The following CPNE3 variants were observed in gnomAD, a reference collection of about 807,000 sequenced individuals.
CPNE3 encodes copine-3.
CPNE3 carries 68 observed loss-of-function variants against 63.9 expected under a neutral mutation model. That is an observed-to-expected ratio of 1.06 (90% CI 0.87 to 1.30). CPNE3 has a LOEUF of 1.30. Among genes scored for constraint, CPNE3 ranks in the 50% most tolerant of loss-of-function variants. CPNE3 has a pLI of 0.00. For synonymous variants in CPNE3, 219 were observed against 197.5 expected (o/e 1.11, Z -0.91); for missense variants, 665 against 578.1 (o/e 1.15, Z -1.54).
chr8:86,551,029 T>G lies in CPNE3; in HGVS notation c.1014-17T>G. Reference sequence around the variant, plus strand: ...TTGGAAAAAACAGTATTTTATTAAATATTTTTTTCTTTTTAGTGATAAGAT... The same window carrying G: ...TTGGAAAAAACAGTATTTTATTAAAGATTTTTTTCTTTTTAGTGATAAGAT... On this transcript the variant is annotated splice_polypyrimidine_tract_variant and intron_variant, in intron 12 of 16. Transcript: ENST00000517490. The G allele has an allele frequency of 6.5e-7, 1 of 1,548,228 alleles. No homozygotes were observed.
At chr8:86,529,458 C>A (rs1280212469) in intron 4 of CPNE3, among the ~76,000 whole-genome samples, 2 of 152,132 alleles carry the variant, frequency 1.3e-5, no homozygotes, top group African/African-American at 4.8e-5. Flanking sequence ...AAGATAACAG[C>A]AACTTCTCTG....
At chr8:86,518,722 C>A (rs1321449654) in intron 2 of CPNE3, among the ~76,000 whole-genome samples, 1 of 151,972 alleles carries the variant, frequency 6.6e-6, no homozygotes, top group East Asian at 1.9e-4. Flanking sequence ...TTTATTTTTT[C>A]TGCTTAGGTA....
At chr8:86,523,926 C>G (rs1344290906) in intron 2 of CPNE3, among the ~76,000 whole-genome samples, 3 of 152,150 alleles carry the variant, frequency 2.0e-5, no homozygotes, top group Non-Finnish European at 4.4e-5. Context: ...GCAGAGGTAG[C>G]TGTTCAGGTA....
At chr8:86,549,758 A>G (rs537889700) in intron 12 of CPNE3, among the ~76,000 whole-genome samples, 1 of 152,236 alleles carries the variant, frequency 6.6e-6, no homozygotes, top group Non-Finnish European at 1.5e-5. Context: ...CCGGGGTTCC[A>G]TAGCTCTGGT....
At chr8:86,516,322 T>C (rs750742719) in intron 2 of CPNE3, among the ~76,000 whole-genome samples, 38 of 152,270 alleles carry the variant, frequency 2.5e-4, no homozygotes, top group South Asian at 1.2e-3. Context: ...CCATTAAGGG[T>C]TGCATAATGA....
At chr8:86,553,260 G>A (rs1265807536) in intron 14 of CPNE3, among the ~76,000 whole-genome samples, 2 of 151,922 alleles carry the variant, frequency 1.3e-5, no homozygotes, top group African/African-American at 2.4e-5. Context: ...AATTAGTTAT[G>A]TTCTCAAAGG....
chr8:86,533,476 A>T (rs1820729958), intron 6 of CPNE3, among the ~76,000 whole-genome samples: 1 of 152,120 alleles, frequency 6.6e-6, no homozygotes, highest in Non-Finnish European at 1.5e-5. Flanking sequence ...AACTACAGTG[A>T]GCAGTGATCA....
chr8:86,540,354 A>G lies in CPNE3; in HGVS notation c.633+20A>G, dbSNP rs756466532. The G allele has an allele frequency of 1.1e-5, 14 of 1,226,930 alleles. No individual in the cohort carries two copies. The East Asian group carries it at 1.3e-4, about 12-fold the overall frequency. 76.0% of individuals were successfully genotyped at this position (1,226,930 alleles called of 1,614,324 possible). ...ATTAAGGTAAGTTGAAATTATATAT[A>G]TATAAAATACTTAAATATACCCATG... On this transcript the variant is annotated intron_variant, in intron 8 of 16. Transcript: ENST00000517490.
At chr8:86,534,113 G>T (rs999016825) in intron 6 of CPNE3, among the ~76,000 whole-genome samples, 1 of 151,122 alleles carries the variant, frequency 6.6e-6, no homozygotes, top group African/African-American at 2.4e-5. Context: ...TTTCAAAAAA[G>T]AATTTTCCAT....
chr8:86,530,058 C>T (rs9297921), intron 4 of CPNE3, among the ~76,000 whole-genome samples: 111,594 of 151,850 alleles, frequency 0.73, 41,926 homozygotes, highest in African/African-American at 0.83. Context: ...CAAACAGATA[C>T]ATCAGATGTA....
At chr8:86,535,345 A>G (rs978554395) in intron 6 of CPNE3, among the ~76,000 whole-genome samples, 3 of 151,390 alleles carry the variant, frequency 2.0e-5, no homozygotes, top group Non-Finnish European at 4.4e-5. Context: ...AAGAAAAACT[A>G]AATCATGAAA....
intron 4 of CPNE3, among the ~76,000 whole-genome samples, chr8:86,530,342 G>T (rs1820646720): frequency 6.6e-6 from 1 of 151,488 alleles, no homozygotes; most frequent in Non-Finnish European, 1.5e-5. Flanking sequence ...GCTAATTTTT[G>T]TATTATTTTG....
chr8:86,532,422 A>T, intron 5 of CPNE3, 87 bp from the exon 6 acceptor site: 1 of 897,136 alleles, frequency 1.1e-6, no homozygotes, highest in Non-Finnish European at 1.7e-6. Flanking sequence ...TGTAGGCTTT[A>T]TATTAGATAA....
At chr8:86,551,624 A>C (rs1821181010) in intron 14 of CPNE3, 1 of 157,540 alleles carries the variant, frequency 6.3e-6, no homozygotes, top group Non-Finnish European at 1.4e-5. Flanking sequence ...TTTGATATAC[A>C]GATCTTTTGA....
chr8:86,516,694 C>T (rs1270231482), intron 2 of CPNE3, among the ~76,000 whole-genome samples: 1 of 152,138 alleles, frequency 6.6e-6, no homozygotes, highest in Non-Finnish European at 1.5e-5. Flanking sequence ...CCGGCCCTAT[C>T]AATTCTTGGT....
intron 14 of CPNE3, chr8:86,553,870 A>T (rs1821250618): frequency 6.6e-6 from 1 of 151,878 alleles, no homozygotes; most frequent in South Asian, 2.1e-4. Context: ...GGGCAGATTC[A>T]ACAGGTGCTT....
chr8:86,531,186 T>C lies in CPNE3; in HGVS notation c.344T>C (p.Leu115Pro). 7.6e-7 allele frequency: 1 copy of C among 1,321,406 alleles called. No homozygotes were observed. The highest frequency in any genetic ancestry group is 1.1e-6 in the Non-Finnish European group (1 of 912,644). The allele number at this position is 1,321,406 out of a possible 1,614,324, so 81.9% of individuals were successfully genotyped here. Reference protein sequence around the residue: ...IVSSKKLTRPLVMKTGRPAGK... With the variant: ...IVSSKKLTRPPVMKTGRPAGK... ...TCCAGCAAGAAGCTAACTCGACCAC[T>C]GGTGATGAAAACTGGCAGACCTGCA... The change falls in exon 5 of 17, where the codon CTG (leucine) becomes CCG (proline). Residue 115 changes from leucine (L) to proline (P), a missense_variant. By Grantham distance (98) the Leu-to-Pro change is moderately conservative (BLOSUM62 -3). Transcript: ENST00000517490.
At chr8:86,555,918 C>T (rs535061440) in intron 15 of CPNE3, among the ~76,000 whole-genome samples, 184 bp from the exon 16 acceptor site, 1 of 152,230 alleles carries the variant, frequency 6.6e-6, no homozygotes, top group East Asian at 1.9e-4. Flanking sequence ...TTTTAATGAA[C>T]CTGCAGTTTT....
In CPNE3 at chr8:86,559,531, T is replaced by TAATAATAATA. The variant is rs1821391699; in HGVS notation, c.*1121_*1122insAATAATAATA. The TAATAATAATA allele has an allele frequency of 1.3e-5, 2 of 152,282 alleles. No homozygotes were observed. The highest frequency in any genetic ancestry group is 2.9e-5 in the Non-Finnish European group (2 of 68,026). The allele number at this position is 152,282 out of a possible 1,614,324, so 9.4% of individuals were successfully genotyped here. ...ATTTAATAATGTGATATTTCCTATG[T>TAATAATAATA]CTACAGCATACCTTATTAGGTATAA... is the stretch of plus-strand genomic sequence containing the variant. On this transcript the variant is annotated 3_prime_UTR_variant, in exon 17 of 17. Coordinates refer to ENST00000517490, the MANE Select transcript of CPNE3 (RefSeq NM_003909.5).
Sources: allele counts gnomAD v4.1 joint callset (sites outside exome capture counted in the v4.1 genomes callset), GRCh38; gene constraint gnomAD v4.1.1; transcripts MANE v1.5; gene names NCBI Gene and HGNC (gene_info 2026-07-23, HGNC 2026-07-21).